Variants in WDR19 observed in about 807,000 individuals in gnomAD.
WDR19 encodes the protein WD repeat domain 19.
WDR19 carries 121 observed loss-of-function variants against 180.0 expected under a neutral mutation model. That is an observed-to-expected ratio of 0.67 (90% CI 0.58 to 0.78). The LOEUF is 0.78. WDR19 is among the 30% of genes least tolerant of loss of function. The pLI is 0.00. For synonymous variants in WDR19, 497 were observed against 540.7 expected (o/e 0.92, Z 1.12); for missense variants, 1,450 against 1,640.7 (o/e 0.88, Z 2.01).
intron 14 of WDR19, among the ~76,000 whole-genome samples, chr4:39,223,326 TTTTTTG>T (rs1159301160): frequency 4.6e-5 from 7 of 152,240 alleles, no homozygotes; most frequent in Non-Finnish European, 8.8e-5. Context: ...TTGTTTTTCA[TTTTTTG>T]TTTTTGTTTT....
intron 9 of WDR19, 96 bp from the exon 10 acceptor site, chr4:39,214,505 C>A: frequency 1.5e-6 from 1 of 683,392 alleles, no homozygotes; most frequent in Non-Finnish European, 2.5e-6. Flanking sequence ...TTTTGGAGAC[C>A]AGTAACCTAT....
At position 39,240,327 on chromosome 4, in the gene WDR19, A is replaced by T; in HGVS notation, c.2414A>T (p.Asp805Val). The change falls in exon 21 of 37, where the codon GAT (aspartate) becomes GTT (valine). Residue 805 changes from aspartate (D) to valine (V), a missense_variant. By Grantham distance (152) the Asp-to-Val change is radical. Transcript: ENST00000399820. ...LAHYEKGITG[D>V]NKEHDEACLA... ...CATTATGAGAAAGGAATAACAGGTG[A>T]TAATAAGGTAACCTTGGATAAAGAT... The T allele has an allele frequency of 7.0e-7, 1 of 1,435,830 alleles. No homozygotes were observed. The allele number at this position is 1,435,830 out of a possible 1,614,324, so 88.9% of individuals were successfully genotyped here. A position where few individuals can be genotyped will look rare whatever the true frequency, so the allele number is the denominator to read the frequency against.
chr4:39,190,070 A>C (rs6531695), intron 4 of WDR19, among the ~76,000 whole-genome samples: 2 of 152,236 alleles, frequency 1.3e-5, no homozygotes, highest in Non-Finnish European at 2.9e-5. Flanking sequence ...AGGCATGGCT[A>C]GATCTAGGAG....
Position 39,215,927 on chromosome 4 carries a change from CT to C in WDR19, c.1050del (p.Ile352TyrfsTer21), listed in dbSNP as rs922036336. The C allele has an allele frequency of 1.2e-6, 2 of 1,613,660 alleles. No homozygotes were observed. The highest frequency in any genetic ancestry group is 2.7e-5 in the African/African-American group (2 of 74,928). On this transcript the variant is annotated frameshift_variant, in exon 11 of 37. Coordinates refer to ENST00000399820, the MANE Select transcript of WDR19 (RefSeq NM_025132.4). LOFTEE classifies it high-confidence loss of function. ...RGSLHVFLTKLPILGDACSTR... is the reference protein window; with the variant it reads ...RGSLHVFLTKXPILGDACSTR... Reference sequence around the variant, plus strand: ...CTCACTTCATGTTTTCCTGACCAAGCTTCCCATACTTGGGGATGCCTGCAGC... The same window carrying C: ...CTCACTTCATGTTTTCCTGACCAAGCTCCCATACTTGGGGATGCCTGCAGC...
chr4:39,213,365 C>T (rs1728734007), intron 9 of WDR19, among the ~76,000 whole-genome samples: 1 of 152,106 alleles, frequency 6.6e-6, no homozygotes. Context: ...ATGGTTCATC[C>T]ATGCCATAGA....
At chr4:39,272,942 A>G (rs1735516178) in intron 31 of WDR19, 38 bp from the exon 32 acceptor site, 2 of 1,503,872 alleles carry the variant, frequency 1.3e-6, no homozygotes, top group African/African-American at 1.4e-5. Context: ...GGGCTAATCA[A>G]TGACTATAAG....
chr4:39,262,298 C>G (rs1734367423), intron 28 of WDR19, among the ~76,000 whole-genome samples: 1 of 152,158 alleles, frequency 6.6e-6, no homozygotes, highest in South Asian at 2.1e-4. Context: ...CTCTGTTGCC[C>G]AGGTGGCACA....
At chr4:39,213,412 A>G (rs991503436) in intron 9 of WDR19, among the ~76,000 whole-genome samples, 3 of 152,276 alleles carry the variant, frequency 2.0e-5, no homozygotes, top group African/African-American at 7.2e-5. Context: ...ACCTATTGAT[A>G]CACCCAACAA....
At chr4:39,268,379 C>G (rs1235189483) in intron 30 of WDR19, among the ~76,000 whole-genome samples, 1 of 152,188 alleles carries the variant, frequency 6.6e-6, no homozygotes, top group African/African-American at 2.4e-5. Flanking sequence ...TCTCACCCCT[C>G]CAGCCCACAA....
intron 32 of WDR19, chr4:39,274,458 G>A (rs1379546255): frequency 4.7e-6 from 1 of 210,680 alleles, no homozygotes; most frequent in Non-Finnish European, 9.7e-6. Context: ...AGAGATTAGT[G>A]TATAAAGTCA....
intron 5 of WDR19, 105 bp downstream of exon 5, chr4:39,194,764 C>A: frequency 2.6e-6 from 2 of 776,848 alleles, no homozygotes; most frequent in Non-Finnish European, 4.3e-6. Context: ...TTTTGCAGTA[C>A]AAACCCCCTC....
chr4:39,212,927 T>A (rs1728700930), intron 9 of WDR19, among the ~76,000 whole-genome samples: 1 of 152,014 alleles, frequency 6.6e-6, no homozygotes, highest in South Asian at 2.1e-4. Flanking sequence ...AACAACCCTA[T>A]TAGAAAATAG....
In WDR19 at chr4:39,244,933, T is replaced by C. The variant is rs1430952002; in HGVS notation, c.2645+381T>C. ...GAGCCAAGATTTTCTTTCTTTTTTTTTTTTCTTTTTTTTTTTTTTTGAGAC... is the reference window on the plus strand; with the variant it reads ...GAGCCAAGATTTTCTTTCTTTTTTTCTTTTCTTTTTTTTTTTTTTTGAGAC... On this transcript the variant is annotated intron_variant, in intron 23 of 36. Coordinates refer to ENST00000399820, the MANE Select transcript of WDR19 (RefSeq NM_025132.4). Among the ~76,000 whole-genome samples the C allele has an allele frequency of 2.1e-5, 3 of 141,400 alleles. No homozygotes were observed. In the Admixed American group the frequency reaches 2.1e-4, roughly 10 times the overall value. 92.8% of individuals were successfully genotyped at this position (141,400 alleles called of 152,430 possible).
At chr4:39,252,072 G>A (rs977039168) in intron 24 of WDR19, among the ~76,000 whole-genome samples, 1 of 151,868 alleles carries the variant, frequency 6.6e-6, no homozygotes, top group Non-Finnish European at 1.5e-5. Flanking sequence ...TGTTTATTGT[G>A]GCACTATTCA....
At chr4:39,189,228 T>C (rs1725898198) in intron 3 of WDR19, among the ~76,000 whole-genome samples, 2 of 152,176 alleles carry the variant, frequency 1.3e-5, no homozygotes, top group Admixed American at 6.5e-5. Context: ...CCAGCCACTT[T>C]GTTTCTTATC....
intron 9 of WDR19, among the ~76,000 whole-genome samples, chr4:39,210,875 A>T (rs889354108): frequency 1.3e-5 from 2 of 151,672 alleles, no homozygotes; most frequent in Non-Finnish European, 1.5e-5. Context: ...AGTGGCTCAC[A>T]CCTGTAATCC....
Position 39,253,903 on chromosome 4 carries a change from T to C in WDR19, c.2877-3T>C, listed in dbSNP as rs1426935625. On this transcript the variant is annotated splice_polypyrimidine_tract_variant and splice_region_variant and intron_variant, in intron 25 of 36. Transcript: ENST00000399820. ...TCTAGCTAATTAAAGTACTTTGCTT[T>C]AGGTTTTTTCTACAGCTTGGTGACT... is the stretch of plus-strand genomic sequence containing the variant. 1.3e-6 allele frequency: 2 copies of C among 1,594,884 alleles called. No individual in the cohort carries two copies. The highest frequency in any genetic ancestry group is 1.2e-5 in the South Asian group (1 of 86,890).
In WDR19 at chr4:39,255,954, T is replaced by C; in HGVS notation, c.3108T>C (p.Tyr1036=). The C allele has an allele frequency of 6.5e-7, 1 of 1,540,252 alleles. No homozygotes were observed. Among genetic ancestry groups the C allele is most frequent in the Non-Finnish European group, 8.8e-7 (1 of 1,142,498 alleles). ...AGKFFLLCGQ[Y]SRALKHFLKC... is the part of the protein sequence containing the mutation. ...AATTCTTCTTGCTGTGTGGCCAATA[T>C]TCACGAGTTAGTATTTGCCAAGAAA... The change falls in exon 27 of 37, where the codon TAT becomes TAC. Residue 1036 remains tyrosine, a synonymous_variant. Coordinates refer to ENST00000399820, the MANE Select transcript of WDR19 (RefSeq NM_025132.4).
At chr4:39,270,550 G>C (rs1735260558) in intron 31 of WDR19, among the ~76,000 whole-genome samples, 1 of 152,030 alleles carries the variant, frequency 6.6e-6, no homozygotes, top group Admixed American at 6.6e-5. Flanking sequence ...TAATTTTTTT[G>C]TATTTTTAGT....
Sources: allele counts gnomAD v4.1 joint callset (sites outside exome capture counted in the v4.1 genomes callset), GRCh38; gene constraint gnomAD v4.1.1; transcripts MANE v1.5; gene names NCBI Gene and HGNC (gene_info 2026-07-23, HGNC 2026-07-21).